The following PTPRM variants were observed in gnomAD, a reference collection of about 807,000 sequenced individuals.
The protein encoded by PTPRM is receptor-type tyrosine-protein phosphatase mu.
In PTPRM, 47 loss-of-function variants were observed where a neutral mutation model predicts 186.7. That is an observed-to-expected ratio of 0.25 (90% CI 0.20 to 0.32). The LOEUF (loss-of-function observed/expected upper bound fraction) is 0.32. Among genes scored for constraint, PTPRM ranks in the 10% least tolerant of loss-of-function variants. The pLI, the probability that PTPRM is intolerant of heterozygous loss-of-function variation, is 1.00. For missense variants in PTPRM, 1,494 were observed against 1,865.0 expected, an observed-to-expected ratio of 0.80 and a Z score of 3.66; for synonymous variants, 668 against 674.9, an observed-to-expected ratio of 0.99 and a Z score of 0.16.
In PTPRM at chr18:7,679,620, G is replaced by A. The variant is rs62089830; in HGVS notation, c.74-94529G>A. Among the ~76,000 whole-genome samples the A allele has an allele frequency of 9.9e-3, 1,510 of 152,234 alleles. 15 individuals are homozygous for A. The highest frequency in any genetic ancestry group is 0.015 in the Non-Finnish European group (1,000 of 68,018). On this transcript the variant is annotated intron_variant, in intron 1 of 32. Coordinates refer to ENST00000580170, the MANE Select transcript of PTPRM (RefSeq NM_001105244.2). Reference sequence around the variant, plus strand: ...GCAGAGGTTACAGTGAGCTGAGATCGCGACACTGCAGTCCAGCCTCGGCGA... The same window carrying A: ...GCAGAGGTTACAGTGAGCTGAGATCACGACACTGCAGTCCAGCCTCGGCGA...
chr18:8,386,150 C>T (rs1337687454), intron 30 of PTPRM, among the ~76,000 whole-genome samples: 1 of 152,070 alleles, frequency 6.6e-6, no homozygotes, highest in African/African-American at 2.4e-5. Flanking sequence ...TTTGGGATGA[C>T]TTTTAGGCCC....
At chr18:8,042,268 G>A (rs2086741271) in intron 7 of PTPRM, among the ~76,000 whole-genome samples, 1 of 152,134 alleles carries the variant, frequency 6.6e-6, no homozygotes, top group South Asian at 2.1e-4. Context: ...ATAAAAATCT[G>A]AATAGCAGTT....
intron 1 of PTPRM, among the ~76,000 whole-genome samples, chr18:7,696,078 G>T (rs569594496): frequency 6.6e-6 from 1 of 152,270 alleles, no homozygotes; most frequent in African/African-American, 2.4e-5. Flanking sequence ...TGTCCCCAAA[G>T]ATTGGGTTGA....
At chr18:8,312,680 C>T (rs1029350682) in intron 20 of PTPRM, among the ~76,000 whole-genome samples, 4 of 152,198 alleles carry the variant, frequency 2.6e-5, no homozygotes, top group African/African-American at 7.2e-5. Flanking sequence ...CAAAACCACA[C>T]GTGAAGGATT....
chr18:8,405,965 A>C, intron 32 of PTPRM, 144 bp from the exon 33 acceptor site: 8 of 772,898 alleles, frequency 1.0e-5, no homozygotes, highest in Non-Finnish European at 1.6e-5. Flanking sequence ...TCTGGAGTTC[A>C]GAACCGTGAC....
At chr18:8,047,052 G>C (rs2087114684) in intron 7 of PTPRM, among the ~76,000 whole-genome samples, 1 of 152,198 alleles carries the variant, frequency 6.6e-6, no homozygotes, top group African/African-American at 2.4e-5. Context: ...TTCAACTTCA[G>C]AAAGAATGAA....
intron 13 of PTPRM, among the ~76,000 whole-genome samples, chr18:8,119,879 T>C (rs1340226498): frequency 6.6e-6 from 1 of 152,280 alleles, no homozygotes; most frequent in South Asian, 2.1e-4. Flanking sequence ...CTGTCTTTAT[T>C]CCAATTTTAT....
intron 3 of PTPRM, among the ~76,000 whole-genome samples, chr18:7,905,866 G>C (rs1264886173): frequency 6.6e-6 from 1 of 152,110 alleles, no homozygotes; most frequent in Non-Finnish European, 1.5e-5. Context: ...TGTGGTCAGA[G>C]AGTTACTTTC....
intron 22 of PTPRM, among the ~76,000 whole-genome samples, chr18:8,329,384 G>C (rs987339157): frequency 5.9e-5 from 9 of 152,234 alleles, no homozygotes; most frequent in African/African-American, 1.9e-4. Flanking sequence ...TTAATAGAGT[G>C]TGTGCAAAGT....
intron 1 of PTPRM, among the ~76,000 whole-genome samples, chr18:7,652,609 T>C (rs2038740464): frequency 6.6e-6 from 1 of 151,844 alleles, no homozygotes; most frequent in East Asian, 1.9e-4. Context: ...TGTAGGGACA[T>C]GGATGAAGTT....
At chr18:8,181,835 T>C (rs767987453) in intron 14 of PTPRM, among the ~76,000 whole-genome samples, 1 of 149,238 alleles carries the variant, frequency 6.7e-6, no homozygotes, top group Non-Finnish European at 1.5e-5. Flanking sequence ...TTGAGCCCTT[T>C]AAAATATTTA....
At chr18:8,267,476 C>G (rs918878879) in intron 19 of PTPRM, among the ~76,000 whole-genome samples, 3 of 151,970 alleles carry the variant, frequency 2.0e-5, no homozygotes, top group African/African-American at 7.2e-5. Flanking sequence ...TATCAATTTT[C>G]AATAATTTTC....
At chr18:8,392,952 T>C (rs896540654) in intron 31 of PTPRM, among the ~76,000 whole-genome samples, 7 of 152,174 alleles carry the variant, frequency 4.6e-5, no homozygotes, top group African/African-American at 1.7e-4. Context: ...TTTCTTAGTG[T>C]AGAATGTTGA....
intron 1 of PTPRM, among the ~76,000 whole-genome samples, chr18:7,768,264 A>G (rs931914753): frequency 9.2e-5 from 14 of 152,178 alleles, no homozygotes; most frequent in African/African-American, 3.4e-4. Flanking sequence ...TGGGAGGCTG[A>G]GGTGAGAGGA....
intron 1 of PTPRM, among the ~76,000 whole-genome samples, chr18:7,716,218 C>A (rs1401459379): frequency 6.6e-6 from 1 of 152,158 alleles, no homozygotes; most frequent in African/African-American, 2.4e-5. Context: ...ACGTCTGCAA[C>A]CATCTGGACT....
intron 14 of PTPRM, among the ~76,000 whole-genome samples, chr18:8,194,056 G>A (rs1212407325): frequency 1.3e-5 from 2 of 152,198 alleles, no homozygotes; most frequent in Non-Finnish European, 2.9e-5. Context: ...CAGACAGGGG[G>A]CCTTGAGAGG....
At chr18:7,699,819 C>T (rs640128) in intron 1 of PTPRM, among the ~76,000 whole-genome samples, 97,788 of 151,782 alleles carry the variant, frequency 0.64, 33,526 homozygotes, top group East Asian at 0.99. Context: ...TGTGATTTTC[C>T]GTGAACACTT....
At chr18:8,309,616 A>G (rs1346423716) in intron 20 of PTPRM, among the ~76,000 whole-genome samples, 1 of 152,126 alleles carries the variant, frequency 6.6e-6, no homozygotes, top group African/African-American at 2.4e-5. Context: ...TGCTCAAGGG[A>G]TCCTCCTGCC....
At chr18:7,921,933 T>G (rs2050888732) in intron 4 of PTPRM, among the ~76,000 whole-genome samples, 1 of 152,204 alleles carries the variant, frequency 6.6e-6, no homozygotes, top group Non-Finnish European at 1.5e-5. Flanking sequence ...TTTTGTTTCT[T>G]GTGGATGTAT....
Sources: gnomAD v4.1 joint callset for allele counts (sites outside exome capture counted in the v4.1 genomes callset) on GRCh38, gnomAD v4.1.1 for gene constraint, MANE v1.5 for transcripts, NCBI Gene and HGNC (gene_info 2026-07-23, HGNC 2026-07-21) for gene names.